Variants in GALK1 observed in about 807,000 individuals in gnomAD.
The protein encoded by GALK1 is galactokinase 1.
Under a neutral mutation model 38.6 loss-of-function variants are expected in GALK1, and 30 were observed. That is an observed-to-expected ratio of 0.78 (90% CI 0.58 to 1.05). The LOEUF (loss-of-function observed/expected upper bound fraction) is 1.05. Among genes scored for constraint, GALK1 ranks in the 50% least tolerant of loss-of-function variants. The probability of loss-of-function intolerance (pLI) is 0.00; values close to 1 mark genes in which losing one functional copy is unlikely to be tolerated. For missense variants in GALK1, 512 were observed against 540.5 expected (o/e 0.95, Z 0.52); for synonymous variants, 240 against 233.6 (o/e 1.03, Z -0.25).
At chr17:75,755,225 G>A (rs763655130), downstream of GALK1, 5 of 1,597,682 alleles carry the variant, frequency 3.1e-6, 1 homozygote, top group South Asian at 4.4e-5. Context: ...TAGTACAGGG[G>A]TGGCCATCCT....
At chr17:75,756,526 CCA>C, downstream of GALK1, 1 of 1,613,338 alleles carries the variant, frequency 6.2e-7, no homozygotes, top group Non-Finnish European at 8.5e-7. Flanking sequence ...GCGTGCGGGC[CCA>C]GAGCCAGGAA....
chr17:75,759,049 G>A (rs1223652743), intron 5 of GALK1, among the ~76,000 whole-genome samples: 7 of 152,098 alleles, frequency 4.6e-5, no homozygotes, highest in African/African-American at 7.2e-5. Context: ...AGTGTACTGC[G>A]CCCGGCCAAA....
At chr17:75,751,703 C>T (rs963699820) in exon 9 of GALK1, 14 of 228,100 alleles carry the variant, frequency 6.1e-5, no homozygotes, top group Non-Finnish European at 9.7e-5. Flanking sequence ...ATCGTGTTAC[C>T]GCACTCCAGA....
At chr17:75,757,280 C>T (rs746917195), downstream of GALK1, 1 of 1,611,126 alleles carries the variant, frequency 6.2e-7, no homozygotes. Context: ...CACCACCACC[C>T]ACACCAGCGC....
Position 75,762,997 on chromosome 17 carries a change from AGG to A in GALK1, c.611+15_611+16del. Reference sequence around the variant, plus strand: ...GCTGAGTGCAGGGCGGGAGGGGACGAGGGGAGCGAGCCCAACCTGCAGTCAAT... The same window carrying A: ...GCTGAGTGCAGGGCGGGAGGGGACGAGGAGCGAGCCCAACCTGCAGTCAAT... On this transcript the variant is annotated intron_variant, in intron 4 of 7. Transcript: ENST00000588479. The A allele has an allele frequency of 6.2e-7, 1 of 1,612,396 alleles. No individual in the cohort carries two copies.
At chr17:75,755,724 C>G, downstream of GALK1, 1 of 1,612,908 alleles carries the variant, frequency 6.2e-7, no homozygotes, top group Non-Finnish European at 8.5e-7. Flanking sequence ...TGCTGGTGTG[C>G]CCGACACGCC....
intron 8 of GALK1, chr17:75,751,849 G>A (rs1010858591): frequency 1.6e-5 from 7 of 429,882 alleles, no homozygotes; most frequent in Non-Finnish European, 3.0e-5. Flanking sequence ...GGGAGGCAGG[G>A]TGGGCAACCC....
chr17:75,764,835 G>T, intron 1 of GALK1, 137 bp downstream of exon 1: 1 of 927,118 alleles, frequency 1.1e-6, no homozygotes, highest in Non-Finnish European at 1.7e-6. Context: ...ACTCTTCCGT[G>T]CACCGGTGCT....
chr17:75,755,801 C>T (rs528247999), downstream of GALK1: 111 of 1,610,234 alleles, frequency 6.9e-5, no homozygotes, highest in Admixed American at 1.3e-3. Context: ...AGCCGCGGTG[C>T]GAGCGGCCGC....
At chr17:75,762,656 G>A (rs776680720) in intron 5 of GALK1, 48 bp downstream of exon 5, 10 of 1,601,852 alleles carry the variant, frequency 6.2e-6, no homozygotes, top group South Asian at 3.3e-5. Context: ...TGAGGCGCCA[G>A]CAGGGAGCAC....
At chr17:75,755,563 T>C, downstream of GALK1, 2 of 1,100,592 alleles carry the variant, frequency 1.8e-6, no homozygotes, top group Middle Eastern at 4.0e-4. Context: ...GACAGGGTGT[T>C]GCAGGGTGAG....
downstream of GALK1, chr17:75,757,221 G>A (rs1366162543): frequency 6.2e-7 from 1 of 1,611,686 alleles, no homozygotes; most frequent in South Asian, 1.1e-5. Flanking sequence ...CAGCTGGGCA[G>A]CCGTGCCGGG....
downstream of GALK1, chr17:75,756,757 G>A: frequency 6.2e-7 from 1 of 1,613,030 alleles, no homozygotes; most frequent in Non-Finnish European, 8.5e-7. Flanking sequence ...GGTGTTCACT[G>A]CCCTGAGCCC....
intron 5 of GALK1, among the ~76,000 whole-genome samples, chr17:75,760,982 TC>T (rs2061584943): frequency 6.6e-6 from 1 of 152,002 alleles, no homozygotes; most frequent in Admixed American, 6.6e-5. Context: ...GGTGGGCAGA[TC>T]ACCAGGTCAG....
downstream of GALK1, chr17:75,754,886 TTCTG>T: frequency 6.2e-7 from 1 of 1,603,868 alleles, no homozygotes; most frequent in Non-Finnish European, 8.5e-7. Context: ...AGCCTCGGGC[TTCTG>T]TCTGCTGTCC....
At chr17:75,752,997 C>CCAGCA (rs1426446304), downstream of GALK1, among the ~76,000 whole-genome samples, 5 of 152,334 alleles carry the variant, frequency 3.3e-5, no homozygotes, top group East Asian at 9.6e-4. Context: ...TCCTTGATTC[C>CCAGCA]CAGCACAAAG....
At chr17:75,763,530 GC>G in intron 2 of GALK1, 91 bp from the exon 3 acceptor site, 1 of 1,383,644 alleles carries the variant, frequency 7.2e-7, no homozygotes. Context: ...GGCAGCAACG[GC>G]CTAGCAGCTG....
chr17:75,755,397 TC>T (rs1439205879), downstream of GALK1, among the ~76,000 whole-genome samples: 1 of 151,884 alleles, frequency 6.6e-6, no homozygotes, highest in Non-Finnish European at 1.5e-5. Flanking sequence ...GCCTCTGCCC[TC>T]CCAGGGGGCG....
chr17:75,764,156 C>G, intron 1 of GALK1, 70 bp from the exon 2 acceptor site: 1 of 1,399,142 alleles, frequency 7.1e-7, no homozygotes, highest in Non-Finnish European at 9.8e-7. Flanking sequence ...GACACTGCCT[C>G]CAGCCGAGGT....
Sources: allele counts gnomAD v4.1 joint callset (sites outside exome capture counted in the v4.1 genomes callset), GRCh38; gene constraint gnomAD v4.1.1; transcripts MANE v1.5; gene names NCBI Gene and HGNC (gene_info 2026-07-23, HGNC 2026-07-21).